SERPINA11: variants seen among roughly 807,000 people sequenced by gnomAD.
SERPINA11 encodes serpin family A member 11.
Under a neutral mutation model 29.4 loss-of-function variants are expected in SERPINA11, and 28 were observed. The ratio of observed to expected loss-of-function variants is 0.95; its 90% CI spans 0.70 to 1.30. The LOEUF (loss-of-function observed/expected upper bound fraction) is 1.30. Ranked by LOEUF, SERPINA11 falls within the 50% of genes most tolerant of loss-of-function variation. SERPINA11 has a pLI of 0.00. For synonymous variants in SERPINA11, 253 were observed against 206.6 expected, an observed-to-expected ratio of 1.22 and a Z score of -1.92; for missense variants, 530 against 507.3, an observed-to-expected ratio of 1.04 and a Z score of -0.43.
At chr14:94,449,537 TTCTTTC>T (rs1346807711) in intron 1 of SERPINA11, among the ~76,000 whole-genome samples, 2 of 148,124 alleles carry the variant, frequency 1.4e-5, no homozygotes, top group Non-Finnish European at 2.9e-5. Context: ...TTTTCTTTCT[TTCTTTC>T]TCTTTCTCTT....
Position 94,446,445 on chromosome 14 carries a change from T to C in SERPINA11, c.803A>G (p.Tyr268Cys). Residue 268 changes from tyrosine to cysteine, a missense_variant, in exon 3 of 5, where the codon TAC (tyrosine) becomes TGC (cysteine). By Grantham distance (194) the Tyr-to-Cys change is radical. Coordinates refer to ENST00000334708, the MANE Select transcript of SERPINA11 (RefSeq NM_001080451.2). ...DLACTVLQIE[Y>C]RGNALALLVL... is the part of the protein sequence containing the mutation. Reference sequence around the variant, plus strand: ...CAGCAGCGCCAAGGCATTTCCTCTGTATTCTATCTGGAGGACGGTGCAAGC... The same window carrying C: ...CAGCAGCGCCAAGGCATTTCCTCTGCATTCTATCTGGAGGACGGTGCAAGC... 1.2e-6 allele frequency: 2 copies of C among 1,614,172 alleles called. No individual in the cohort carries two copies. The highest frequency in any genetic ancestry group is 2.2e-5 in the East Asian group (1 of 44,884).
At position 94,442,538 on chromosome 14, in the gene SERPINA11, G is replaced by T. The variant is rs1898360403; in HGVS notation, c.*68C>A. ...CTGAACCACATAGCAGCCCCAGGAT[G>T]CAGGCTGGTTCTGGCCTATCTGTTT... On this transcript the variant is annotated 3_prime_UTR_variant, in exon 5 of 5. Transcript: ENST00000334708. The T allele has an allele frequency of 1.8e-6, 2 of 1,140,728 alleles. No individual in the cohort carries two copies. Among genetic ancestry groups the T allele is most frequent in the African/African-American group, 1.6e-5 (1 of 64,356 alleles). The allele number at this position is 1,140,728 out of a possible 1,614,324, so 70.7% of individuals were successfully genotyped here. A position where few individuals can be genotyped will look rare whatever the true frequency, so the allele number is the denominator to read the frequency against.
At chr14:94,446,193 C>T (rs1383150815) in intron 3 of SERPINA11, 138 bp downstream of exon 3, 2 of 843,966 alleles carry the variant, frequency 2.4e-6, no homozygotes, top group South Asian at 1.7e-5. Context: ...GAGAAAATTG[C>T]CAAGATCACA....
intron 1 of SERPINA11, among the ~76,000 whole-genome samples, chr14:94,452,008 A>AG (rs1898595141): frequency 6.6e-6 from 1 of 152,326 alleles, no homozygotes; most frequent in Non-Finnish European, 1.5e-5. Flanking sequence ...TGACAAAGGC[A>AG]GGGGGAGGGC....
chr14:94,448,527 G>A lies in SERPINA11; in HGVS notation c.248C>T (p.Thr83Ile). ...IFFSPVSISTTLALLSLGAQA... is the reference protein window; with the variant it reads ...IFFSPVSISTILALLSLGAQA... The stretch of plus-strand genomic sequence containing the variant: ...GGCCCCAAGAGAGAGCAGGGCCAGG[G>A]TGGTGGAGATGCTCACTGGCGAGAA... Residue 83 changes from threonine to isoleucine, a missense_variant, in exon 2 of 5, where the codon ACC becomes ATC. Thr to Ile is a moderately conservative substitution (Grantham distance 89). Transcript: ENST00000334708. 6.2e-7 allele frequency: 1 copy of A among 1,614,220 alleles called. No homozygotes were observed. Among genetic ancestry groups the A allele is most frequent in the Non-Finnish European group, 8.5e-7 (1 of 1,180,044 alleles).
chr14:94,449,994 T>C lies in SERPINA11; in HGVS notation c.-3-1217A>G, dbSNP rs1052731467. On this transcript the variant is annotated intron_variant, in intron 1 of 4. Transcript: ENST00000334708. ...AGTCGTTCATTAGCTGGAGTGGCGA[T>C]GTGAGGATCGGCCATCTGGATGTGT... 3.2e-4 allele frequency among the ~76,000 whole-genome samples: 49 copies of C among 152,286 alleles called. 1 individual carries two copies. The highest frequency in any genetic ancestry group is 1.2e-3 in the African/African-American group (49 of 41,550).
intron 1 of SERPINA11, 123 bp downstream of exon 1, chr14:94,452,599 ACACACAC>A (rs1425120821): frequency 1.3e-3 from 5 of 3,932 alleles, no homozygotes; most frequent in African/African-American, 9.6e-3. Context: ...AAAGCCAGGA[ACACACAC>A]ACACACACAC....
At chr14:94,449,458 TTTCTTTCTTTC>T (rs1898534732) in intron 1 of SERPINA11, among the ~76,000 whole-genome samples, 1 of 118,010 alleles carries the variant, frequency 8.5e-6, no homozygotes, top group Non-Finnish European at 1.6e-5. Context: ...TCTTTCTTTC[TTTCTTTCTTTC>T]TTTCTTTCTT....
chr14:94,449,353 C>T (rs1245186179), intron 1 of SERPINA11, among the ~76,000 whole-genome samples: 1 of 151,986 alleles, frequency 6.6e-6, no homozygotes, highest in East Asian at 1.9e-4. Flanking sequence ...ACCACCACCA[C>T]AACAGCAAAA....
chr14:94,448,713 G>C lies in SERPINA11; in HGVS notation c.62C>G (p.Pro21Arg). Residue 21 changes from proline to arginine, a missense_variant, in exon 2 of 5, where the codon CCC becomes CGC. Pro to Arg is a moderately radical substitution (Grantham distance 103). Transcript: ENST00000334708. ...TGILASVHCQ[P>R]LLAHGDKSLQ... ...ACTTTTATCTCCATGGGCAAGAAGG[G>C]GCTGACAGTGGACAGAGGCCAGGAT... 6.5e-7 allele frequency: 1 copy of C among 1,529,618 alleles called. No homozygotes were observed. The highest frequency in any genetic ancestry group is 8.8e-7 in the Non-Finnish European group (1 of 1,140,422). The allele number at this position is 1,529,618 out of a possible 1,614,324, so 94.8% of individuals were successfully genotyped here. A position where few individuals can be genotyped will look rare whatever the true frequency, so the allele number is the denominator to read the frequency against.
intron 4 of SERPINA11, 105 bp downstream of exon 4, chr14:94,442,973 C>T (rs887649392): frequency 8.5e-6 from 12 of 1,403,862 alleles, no homozygotes; most frequent in Non-Finnish European, 1.2e-5. Context: ...ATAGTCTGCA[C>T]AGGACAAAGA....
intron 1 of SERPINA11, among the ~76,000 whole-genome samples, chr14:94,450,832 C>T (rs142789494): frequency 1.1e-3 from 166 of 152,266 alleles, no homozygotes; most frequent in African/African-American, 3.9e-3. Context: ...GTTGTCTCTA[C>T]TCACCCTGCC....
rs760587317 is a variant in SERPINA11 at position 94,446,599 on chromosome 14, A to G, written c.649T>C (p.Trp217Arg). 1 of 1,613,144 alleles carries G rather than the reference A, an allele frequency of 6.2e-7. No individual in the cohort carries two copies. The highest frequency in any genetic ancestry group is 1.7e-5 in the Admixed American group (1 of 59,940). Reference sequence around the variant, plus strand: ...TGGTAGCGACTGAAAGGGTGCTTCCACTTGGCTTAGGACACAAAACCCATA... The same window carrying G: ...TGGTAGCGACTGAAAGGGTGCTTCCGCTTGGCTTAGGACACAAAACCCATA... ...LANYIFFKAKWKHPFSRYQTQ... is the reference protein window; with the variant it reads ...LANYIFFKAKRKHPFSRYQTQ... Residue 217 changes from tryptophan (W) to arginine (R), a missense_variant, in exon 3 of 5, where the codon TGG becomes CGG. Transcript: ENST00000334708.
chr14:94,446,668 C>A, intron 2 of SERPINA11, 64 bp from the exon 3 acceptor site: 1 of 1,465,988 alleles, frequency 6.8e-7, no homozygotes, highest in African/African-American at 1.4e-5. Context: ...TGGGTAGACA[C>A]ACACAAAACC....
intron 2 of SERPINA11, 113 bp from the exon 3 acceptor site, chr14:94,446,717 G>A: frequency 1.9e-6 from 2 of 1,073,624 alleles, no homozygotes; most frequent in Non-Finnish European, 2.7e-6. Context: ...GGCAAAAAAT[G>A]TGGAATGGTT....
intron 1 of SERPINA11, among the ~76,000 whole-genome samples, chr14:94,449,433 C>CTT (rs1255557042): frequency 7.0e-4 from 71 of 101,126 alleles, no homozygotes; most frequent in South Asian, 3.6e-3. Context: ...TTCTTTCTTT[C>CTT]TTTCTTTCTT....
In SERPINA11 at chr14:94,448,421, G is replaced by A. The variant is rs1017257323; in HGVS notation, c.354C>T (p.Gly118=). The A allele has an allele frequency of 9.3e-6, 15 of 1,614,072 alleles. No homozygotes were observed. The highest frequency in any genetic ancestry group is 1.1e-5 in the Non-Finnish European group (13 of 1,180,034). Residue 118 remains glycine (G), a synonymous_variant, in exon 2 of 5, where the codon GGC becomes GGT. Coordinates refer to ENST00000334708, the MANE Select transcript of SERPINA11 (RefSeq NM_001080451.2). ...CAAGGGTGTGGAGGAGGCTCCGGAA[G>A]CCCTGGTGGATGTCGGCTTCAGGGG... ...TETPEADIHQ[G]FRSLLHTLAL... is the part of the protein sequence containing the mutation.
At position 94,448,506 on chromosome 14, in the gene SERPINA11, C is replaced by T. The variant is rs1292974402; in HGVS notation, c.269G>A (p.Gly90Glu). Residue 90 changes from glycine to glutamate, a missense_variant, in exon 2 of 5, where the codon GGG becomes GAG. Gly to Glu is a moderately conservative substitution (Grantham distance 98). Coordinates refer to ENST00000334708, the MANE Select transcript of SERPINA11 (RefSeq NM_001080451.2). The stretch of plus-strand genomic sequence containing the variant: ...CAGAGCTGAGGTGTTAGCTTGGGCC[C>T]CAAGAGAGAGCAGGGCCAGGGTGGT... Reference protein sequence around the residue: ...ISTTLALLSLGAQANTSALIL... With the variant: ...ISTTLALLSLEAQANTSALIL... 6.2e-7 allele frequency: 1 copy of T among 1,614,104 alleles called. No homozygotes were observed.
At chr14:94,443,052 A>G (rs748218407) in intron 4 of SERPINA11, 26 bp downstream of exon 4, 4 of 1,593,064 alleles carry the variant, frequency 2.5e-6, no homozygotes, top group South Asian at 1.2e-5. Flanking sequence ...CCACCTGCCC[A>G]CAAACATCCA....
Sources: allele counts gnomAD v4.1 joint callset (sites outside exome capture counted in the v4.1 genomes callset), GRCh38; gene constraint gnomAD v4.1.1; transcripts MANE v1.5; gene names NCBI Gene and HGNC (gene_info 2026-07-23, HGNC 2026-07-21).